The following HTR4 variants were observed in gnomAD, a reference collection of about 807,000 sequenced individuals.
The protein encoded by HTR4 is 5-hydroxytryptamine (serotonin) receptor 4, G protein-coupled.
Under a neutral mutation model 36.8 loss-of-function variants are expected in HTR4, and 16 were observed. That is an observed-to-expected ratio of 0.43 (90% confidence interval 0.29 to 0.66). HTR4 has a LOEUF of 0.66. HTR4 is among the 30% of genes least tolerant of loss of function. The probability of loss-of-function intolerance (pLI) is 0.13; values close to 1 mark genes in which losing one functional copy is unlikely to be tolerated. For missense variants in HTR4, 438 were observed against 490.9 expected (o/e 0.89, Z 1.02); for synonymous variants, 189 against 185.1 (o/e 1.02, Z -0.17).
At chr5:148,520,857 T>G in intron 5 of HTR4, 1 of 1,365,658 alleles carries the variant, frequency 7.3e-7, no homozygotes, top group East Asian at 4.6e-5. Flanking sequence ...CAGTTACACT[T>G]CTAATTCACT....
At chr5:148,628,283 T>C (rs1214194703) in intron 2 of HTR4, among the ~76,000 whole-genome samples, 1 of 152,226 alleles carries the variant, frequency 6.6e-6, no homozygotes, top group Non-Finnish European at 1.5e-5. Context: ...GCTTCACCTC[T>C]TTCTAGAAAT....
intron 6 of HTR4, among the ~76,000 whole-genome samples, chr5:148,498,112 T>A (rs1276133214): frequency 2.6e-5 from 4 of 152,220 alleles, no homozygotes; most frequent in African/African-American, 9.6e-5. Context: ...AAGCATATTT[T>A]ATTTCATTGG....
intron 2 of HTR4, among the ~76,000 whole-genome samples, chr5:148,554,659 G>GTTCT (rs947784797): frequency 1.3e-5 from 2 of 152,172 alleles, no homozygotes; most frequent in African/African-American, 4.8e-5. Context: ...CACTGTGAAT[G>GTTCT]TTCTTTTTTT....
rs560401299 is a variant in HTR4 at position 148,516,376 on chromosome 5, A to G, written c.508-6352T>C. On this transcript the variant is annotated intron_variant, in intron 5 of 6. Transcript: ENST00000377888. ...GCTGTGTCACCCAGGCTGGAGTGCA[A>G]TGGCACAATCTCGGCTCACTGCAAC... Among the ~76,000 whole-genome samples, 145 of 132,704 alleles carry G rather than the reference A, an allele frequency of 1.1e-3. 1 individual carries two copies. Among genetic ancestry groups the G allele is most frequent in the African/African-American group, 4.1e-3 (141 of 34,466 alleles). 87.1% of individuals were successfully genotyped at this position (132,704 alleles called of 152,430 possible).
At chr5:148,644,590 G>A (rs1753826518) in intron 1 of HTR4, 1 of 152,076 alleles carries the variant, frequency 6.6e-6, no homozygotes, top group African/African-American at 2.4e-5. Flanking sequence ...ATAAGACACA[G>A]TCAATAAGAT....
chr5:148,457,046 C>T (rs13156542), intron 5 of HTR4, among the ~76,000 whole-genome samples: 68,805 of 151,952 alleles, frequency 0.45, 17,024 homozygotes, highest in Middle Eastern at 0.61. Context: ...CTTAGAGCAG[C>T]TTGGATTTGG....
intron 4 of HTR4, among the ~76,000 whole-genome samples, chr5:148,536,046 G>A (rs1352186544): frequency 6.6e-6 from 1 of 152,116 alleles, no homozygotes; most frequent in Non-Finnish European, 1.5e-5. Flanking sequence ...CTTCTCACCT[G>A]AAACCCTACA....
chr5:148,636,580 T>C (rs986484991), intron 2 of HTR4, among the ~76,000 whole-genome samples: 1 of 152,192 alleles, frequency 6.6e-6, no homozygotes, highest in African/African-American at 2.4e-5. Context: ...CATAATATAA[T>C]AACCTAGTTG....
At position 148,482,896 on chromosome 5, in the gene HTR4, A is replaced by C. The variant is rs753169121; in HGVS notation, c.*307T>G. 15 of 1,277,494 alleles carry C rather than the reference A, an allele frequency of 1.2e-5. No homozygotes were observed. Among genetic ancestry groups the C allele is most frequent in the African/African-American group, 1.5e-5 (1 of 66,388 alleles). 79.1% of individuals were successfully genotyped at this position (1,277,494 alleles called of 1,614,324 possible). A position where few individuals can be genotyped will look rare whatever the true frequency, so the allele number is the denominator to read the frequency against. On this transcript the variant is annotated 3_prime_UTR_variant, in exon 7 of 7. Transcript: ENST00000377888. ...CGTGCTTAGAACGTGAGTGAGACAG[A>C]TCAGACACAGTGAGTGACGGGAACA...
chr5:148,523,394 G>A (rs1159618800), intron 4 of HTR4, 48 bp from the exon 5 acceptor site: 1 of 1,490,674 alleles, frequency 6.7e-7, no homozygotes, highest in Non-Finnish European at 9.0e-7. Context: ...AAGGAGGAAT[G>A]GGAGGGAGAG....
downstream of HTR4, among the ~76,000 whole-genome samples, chr5:148,480,598 T>A (rs1406058402): frequency 6.6e-6 from 1 of 152,192 alleles, no homozygotes; most frequent in Non-Finnish European, 1.5e-5. Flanking sequence ...AGGCTCGAAC[T>A]CCTGACCTCA....
chr5:148,470,729 C>T (rs1755547797), intron 5 of HTR4, among the ~76,000 whole-genome samples: 1 of 152,144 alleles, frequency 6.6e-6, no homozygotes, highest in African/African-American at 2.4e-5. Flanking sequence ...CGTTCTGCTG[C>T]CCAGGCTAGA....
chr5:148,593,486 A>C (rs1761652658), intron 2 of HTR4, among the ~76,000 whole-genome samples: 1 of 152,108 alleles, frequency 6.6e-6, no homozygotes, highest in Admixed American at 6.6e-5. Flanking sequence ...CTTACTCCCT[A>C]ATCCAAATAT....
At chr5:148,541,530 C>T (rs1707902171) in intron 4 of HTR4, among the ~76,000 whole-genome samples, 1 of 152,108 alleles carries the variant, frequency 6.6e-6, no homozygotes, top group Non-Finnish European at 1.5e-5. Flanking sequence ...GAAGAAATGA[C>T]AAATTTTTAT....
chr5:148,475,376 G>A (rs1440925276), downstream of HTR4, among the ~76,000 whole-genome samples: 1 of 152,180 alleles, frequency 6.6e-6, no homozygotes, highest in Non-Finnish European at 1.5e-5. Context: ...AGGTAGTCCT[G>A]ACTATCTTAT....
At chr5:148,602,489 T>A (rs1313106506) in intron 2 of HTR4, among the ~76,000 whole-genome samples, 1 of 152,176 alleles carries the variant, frequency 6.6e-6, no homozygotes, top group African/African-American at 2.4e-5. Context: ...CAAGGCTTAG[T>A]GGGAAATTTA....
intron 2 of HTR4, among the ~76,000 whole-genome samples, chr5:148,598,430 G>T (rs1383842956): frequency 6.6e-6 from 1 of 151,938 alleles, no homozygotes; most frequent in Non-Finnish European, 1.5e-5. Context: ...CTGAGTCCCA[G>T]GTACTAAGGA....
At chr5:148,628,205 T>C (rs1753191496) in intron 2 of HTR4, among the ~76,000 whole-genome samples, 1 of 152,222 alleles carries the variant, frequency 6.6e-6, no homozygotes, top group African/African-American at 2.4e-5. Context: ...TAGAAATCTT[T>C]AGAAAAGCAA....
At chr5:148,590,410 C>A (rs1469342976) in intron 2 of HTR4, among the ~76,000 whole-genome samples, 1 of 149,728 alleles carries the variant, frequency 6.7e-6, no homozygotes, top group Non-Finnish European at 1.5e-5. Flanking sequence ...GGATTCCCTG[C>A]CTCAGCCTCC....
Sources: allele counts gnomAD v4.1 joint callset (sites outside exome capture counted in the v4.1 genomes callset), GRCh38; gene constraint gnomAD v4.1.1; transcripts MANE v1.5; gene names NCBI Gene and HGNC (gene_info 2026-07-23, HGNC 2026-07-21).